NRXN1: variants seen among roughly 807,000 people sequenced by gnomAD.
NRXN1 encodes neurexin 1.
A neutral mutation model predicts 150.9 loss-of-function variants in NRXN1; 39 were observed. That is an observed-to-expected ratio of 0.26 (90% confidence interval 0.20 to 0.34). NRXN1 has a LOEUF of 0.34. Ranked by LOEUF, NRXN1 falls within the 10% of genes least tolerant of loss-of-function variation. The pLI, the probability that NRXN1 is intolerant of heterozygous loss-of-function variation, is 1.00. For synonymous variants in NRXN1, 924 were observed against 757.0 expected (o/e 1.22, Z -3.62); for missense variants, 1,815 against 1,949.9 (o/e 0.93, Z 1.30).
At chr2:50,970,692 C>G (rs947337262) in intron 2 of NRXN1, among the ~76,000 whole-genome samples, 2 of 152,080 alleles carry the variant, frequency 1.3e-5, no homozygotes, top group African/African-American at 2.4e-5. Flanking sequence ...AAGTTCACTA[C>G]TCTTACAGAT....
intron 2 of NRXN1, among the ~76,000 whole-genome samples, chr2:50,945,121 C>T (rs1022180450): frequency 6.6e-6 from 1 of 152,168 alleles, no homozygotes; most frequent in African/African-American, 2.4e-5. Context: ...ACCTTAAAGC[C>T]TCTATTGCAG....
intron 17 of NRXN1, among the ~76,000 whole-genome samples, chr2:50,265,051 T>G (rs1283184208): frequency 3.3e-5 from 5 of 152,118 alleles, no homozygotes; most frequent in African/African-American, 1.2e-4. Flanking sequence ...CCTTTAAAAT[T>G]TCCAGATGCC....
At chr2:51,031,761 C>T (rs574534118) in intron 1 of NRXN1, among the ~76,000 whole-genome samples, 213 of 152,210 alleles carry the variant, frequency 1.4e-3, no homozygotes, top group Admixed American at 2.6e-3. Flanking sequence ...TCACTGCATT[C>T]AGCCTTTAAG....
intron 5 of NRXN1, among the ~76,000 whole-genome samples, chr2:50,875,405 T>C (rs1678421062): frequency 1.3e-5 from 2 of 151,726 alleles, no homozygotes; most frequent in Admixed American, 1.3e-4. Context: ...CATCTAAAGA[T>C]GAAAGATGAG....
At chr2:50,713,326 G>GA (rs1041222019) in intron 5 of NRXN1, among the ~76,000 whole-genome samples, 4 of 144,664 alleles carry the variant, frequency 2.8e-5, no homozygotes, top group Admixed American at 6.9e-5. Flanking sequence ...AAAAAAAAAA[G>GA]AAAAAAAAAT....
intron 17 of NRXN1, among the ~76,000 whole-genome samples, chr2:50,390,483 T>C (rs2081615631): frequency 6.6e-6 from 1 of 152,168 alleles, no homozygotes; most frequent in Admixed American, 6.6e-5. Context: ...ATTTTTAAAA[T>C]ATCAATGCTG....
At chr2:50,518,355 C>G (rs2092686953) in intron 12 of NRXN1, among the ~76,000 whole-genome samples, 1 of 151,776 alleles carries the variant, frequency 6.6e-6, no homozygotes, top group Non-Finnish European at 1.5e-5. Context: ...CCAAGGGATG[C>G]TTATCACATA....
intron 5 of NRXN1, among the ~76,000 whole-genome samples, chr2:50,709,231 T>C (rs957719315): frequency 1.3e-5 from 2 of 152,140 alleles, no homozygotes; most frequent in African/African-American, 2.4e-5. Flanking sequence ...CAAATACTTA[T>C]TGAACACCTG....
chr2:50,165,371 C>G (rs1351689155), intron 18 of NRXN1, among the ~76,000 whole-genome samples: 1 of 152,062 alleles, frequency 6.6e-6, no homozygotes, highest in East Asian at 1.9e-4. Flanking sequence ...TTTCTTTAGA[C>G]ACAGTCTCAC....
intron 8 of NRXN1, among the ~76,000 whole-genome samples, chr2:50,596,766 G>C (rs777673827): frequency 8.6e-5 from 13 of 151,760 alleles, no homozygotes; most frequent in Non-Finnish European, 1.9e-4. Context: ...CACCTGACAT[G>C]GACATTCAGT....
chr2:50,695,197 TG>T (rs1574132089), intron 5 of NRXN1, among the ~76,000 whole-genome samples: 1 of 133,690 alleles, frequency 7.5e-6, no homozygotes, highest in African/African-American at 2.9e-5. Context: ...GGGGTGGCGG[TG>T]GGGGGAAGGC....
chr2:50,994,487 T>C (rs571862821), intron 2 of NRXN1, among the ~76,000 whole-genome samples: 2 of 152,120 alleles, frequency 1.3e-5, no homozygotes, highest in African/African-American at 4.8e-5. Flanking sequence ...GAGAAGAACA[T>C]AGCCAGAGAG....
chr2:50,162,098 T>C (rs1453274244), intron 18 of NRXN1, among the ~76,000 whole-genome samples: 1 of 152,148 alleles, frequency 6.6e-6, no homozygotes, highest in African/African-American at 2.4e-5. Context: ...TTTACACAAC[T>C]CAGCAGCAAA....
At chr2:50,753,689 G>C (rs1170074148) in intron 5 of NRXN1, among the ~76,000 whole-genome samples, 1 of 151,760 alleles carries the variant, frequency 6.6e-6, no homozygotes, top group Non-Finnish European at 1.5e-5. Context: ...ATAAATACCA[G>C]AAAAGGTTTA....
At chr2:50,902,774 G>GA (rs1683135951) in intron 5 of NRXN1, among the ~76,000 whole-genome samples, 2 of 151,916 alleles carry the variant, frequency 1.3e-5, no homozygotes, top group African/African-American at 4.8e-5. Context: ...TTTCTTATCT[G>GA]AAAAAAGGAA....
intron 17 of NRXN1, among the ~76,000 whole-genome samples, chr2:50,329,674 T>TATATATA (rs1491185055): frequency 8.8e-5 from 1 of 11,406 alleles, no homozygotes; most frequent in Non-Finnish European, 1.3e-4. Flanking sequence ...TATATATATA[T>TATATATA]TTTTTTTTTT....
intron 5 of NRXN1, among the ~76,000 whole-genome samples, chr2:50,767,683 A>G (rs1264684693): frequency 1.3e-5 from 2 of 152,118 alleles, no homozygotes; most frequent in African/African-American, 4.8e-5. Context: ...ATAGTTCTTT[A>G]AAGTACCTAA....
intron 18 of NRXN1, among the ~76,000 whole-genome samples, chr2:50,207,173 C>T (rs1395904920): frequency 1.3e-5 from 2 of 152,036 alleles, no homozygotes; most frequent in South Asian, 4.1e-4. Context: ...AGAGGTAAGA[C>T]ACATTCACCA....
At chr2:50,079,166 T>G (rs964206698) in intron 19 of NRXN1, among the ~76,000 whole-genome samples, 3 of 152,080 alleles carry the variant, frequency 2.0e-5, no homozygotes, top group African/African-American at 7.2e-5. Context: ...TTGGTTATAA[T>G]CAAATGACAT....
Sources: gnomAD v4.1 joint callset for allele counts (sites outside exome capture counted in the v4.1 genomes callset) on GRCh38, gnomAD v4.1.1 for gene constraint, MANE v1.5 for transcripts, NCBI Gene and HGNC (gene_info 2026-07-23, HGNC 2026-07-21) for gene names.